Variants in GLI2 observed in about 807,000 individuals in gnomAD.
GLI2 encodes transcription activator GLI2.
Under a neutral mutation model 78.9 loss-of-function variants are expected in GLI2, and 22 were observed. That is an observed-to-expected ratio of 0.28 (90% CI 0.20 to 0.40). The LOEUF is 0.40. Ranked by LOEUF, GLI2 falls within the 10% of genes least tolerant of loss-of-function variation. GLI2 has a pLI of 1.00. For synonymous variants in GLI2, 974 were observed against 963.7 expected (o/e 1.01, Z -0.20); for missense variants, 2,097 against 2,213.2 (o/e 0.95, Z 1.05).
chr2:120,988,702 G>T lies in GLI2; in HGVS notation c.2737G>T (p.Gly913Cys). The T allele has an allele frequency of 8.0e-7, 1 of 1,243,580 alleles. No individual in the cohort carries two copies. The highest frequency in any genetic ancestry group is 1.0e-6 in the Non-Finnish European group (1 of 987,640). The allele number at this position is 1,243,580 out of a possible 1,614,324, so 77.0% of individuals were successfully genotyped here. ...CGCGCCCGAGCGCACGCTGCCCGCC[G>T]GCTGCCCACGCCCACTGGGGCCGCG... ...LDAPERTLPA[G>C]CPRPLGPRRG... is the part of the protein sequence containing the mutation. The change falls in exon 14 of 14, where the codon GGC (glycine) becomes TGC (cysteine). Residue 913 changes from glycine to cysteine, a missense_variant. By Grantham distance (159) the Gly-to-Cys change is radical. Coordinates refer to ENST00000361492, the MANE Select transcript of GLI2 (RefSeq NM_001374353.1).
chr2:120,959,651 G>T (rs1022102862), intron 5 of GLI2, among the ~76,000 whole-genome samples: 1 of 152,080 alleles, frequency 6.6e-6, no homozygotes, highest in East Asian at 1.9e-4. Flanking sequence ...CAGGCGGCTC[G>T]GGCTGGACCT....
intron 10 of GLI2, among the ~76,000 whole-genome samples, chr2:120,979,995 A>G (rs1682642913): frequency 6.6e-6 from 1 of 152,252 alleles, no homozygotes; most frequent in Admixed American, 6.5e-5. Context: ...TTGTGGCTGC[A>G]TAATACTCCA....
intron 3 of GLI2, among the ~76,000 whole-genome samples, chr2:120,947,676 C>A (rs1032597745): frequency 5.1e-4 from 77 of 152,172 alleles, no homozygotes; most frequent in African/African-American, 1.8e-3. Context: ...TACCAGGTGC[C>A]CGGCCCTGGT....
intron 2 of GLI2, among the ~76,000 whole-genome samples, chr2:120,807,583 CT>C (rs1168600878): frequency 1.3e-5 from 2 of 152,210 alleles, no homozygotes; most frequent in Non-Finnish European, 2.9e-5. Flanking sequence ...GAACCACACT[CT>C]AGCCTGAGAA....
chr2:120,988,617 G>A lies in GLI2; in HGVS notation c.2652G>A (p.Pro884=), dbSNP rs926908365. 9.6e-6 allele frequency: 14 copies of A among 1,463,098 alleles called. No homozygotes were observed. Among genetic ancestry groups the A allele is most frequent in the Admixed American group, 2.4e-5 (1 of 41,700 alleles). 90.6% of individuals were successfully genotyped at this position (1,463,098 alleles called of 1,614,324 possible). A position where few individuals can be genotyped will look rare whatever the true frequency, so the allele number is the denominator to read the frequency against. The part of the protein sequence containing the change: ...AKYAAATGGP[P]PTPLPGLERM... ...ACGCGGCAGCCACTGGCGGCCCCCC[G>A]CCCACTCCGCTGCCGGGCCTGGAGC... is the stretch of plus-strand genomic sequence containing the variant. Residue 884 remains proline, a synonymous_variant, in exon 14 of 14, where the codon CCG becomes CCA. Coordinates refer to ENST00000361492, the MANE Select transcript of GLI2 (RefSeq NM_001374353.1).
At chr2:120,977,816 C>T (rs1473570070) in intron 9 of GLI2, among the ~76,000 whole-genome samples, 1 of 152,204 alleles carries the variant, frequency 6.6e-6, no homozygotes, top group African/African-American at 2.4e-5. Context: ...ACTGCCAGGG[C>T]CCTGTGCAGG....
At chr2:120,805,659 C>T (rs368125752) in intron 2 of GLI2, among the ~76,000 whole-genome samples, 4 of 152,268 alleles carry the variant, frequency 2.6e-5, no homozygotes, top group East Asian at 1.9e-4. Flanking sequence ...AAACCAATTC[C>T]GCAGGAACAT....
chr2:120,934,686 C>T (rs1162194961), intron 3 of GLI2, among the ~76,000 whole-genome samples: 11 of 152,112 alleles, frequency 7.2e-5, no homozygotes, highest in Admixed American at 7.2e-4. Context: ...TGCATATTAC[C>T]CAGGGCCTCC....
intron 2 of GLI2, among the ~76,000 whole-genome samples, chr2:120,831,587 A>G (rs1686362797): frequency 6.6e-6 from 1 of 152,148 alleles, no homozygotes; most frequent in Non-Finnish European, 1.5e-5. Context: ...AAAATAGTAG[A>G]TTCCGTTTTG....
intron 9 of GLI2, among the ~76,000 whole-genome samples, chr2:120,976,309 C>T (rs1221864364): frequency 6.6e-6 from 1 of 152,200 alleles, no homozygotes; most frequent in African/African-American, 2.4e-5. Context: ...CTGCTTCTTC[C>T]ACTTATGCAA....
intron 2 of GLI2, among the ~76,000 whole-genome samples, chr2:120,806,782 G>A (rs867699190): frequency 1.3e-5 from 2 of 152,202 alleles, no homozygotes; most frequent in South Asian, 4.1e-4. Flanking sequence ...GGGGTAAGGA[G>A]GGAAAGCGCC....
intron 2 of GLI2, among the ~76,000 whole-genome samples, chr2:120,823,255 GC>G (rs1685872514): frequency 6.6e-6 from 1 of 152,146 alleles, no homozygotes; most frequent in African/African-American, 2.4e-5. Context: ...GTGGGAAGCT[GC>G]CCCCGGTGTG....
intron 1 of GLI2, among the ~76,000 whole-genome samples, chr2:120,770,941 T>G (rs1025914395): frequency 1.1e-4 from 17 of 152,200 alleles, no homozygotes; most frequent in Non-Finnish European, 2.2e-4. Flanking sequence ...GAGTTAACTC[T>G]TTGAGCTCAG....
intron 2 of GLI2, among the ~76,000 whole-genome samples, chr2:120,881,737 G>T (rs1241617232): frequency 1.1e-5 from 1 of 89,538 alleles, no homozygotes; most frequent in African/African-American, 4.5e-5. Context: ...AGGACAGTGC[G>T]GGGGAGAACA....
At chr2:120,899,586 A>T (rs947782438) in intron 2 of GLI2, among the ~76,000 whole-genome samples, 2 of 152,118 alleles carry the variant, frequency 1.3e-5, no homozygotes, top group Admixed American at 1.3e-4. Flanking sequence ...TGTGTGATGC[A>T]ACTTGCAGTG....
chr2:120,791,448 C>G (rs1239898074), intron 1 of GLI2, among the ~76,000 whole-genome samples: 1 of 152,230 alleles, frequency 6.6e-6, no homozygotes. Context: ...CTCAGGGCCT[C>G]AGGCCGTGAG....
At chr2:120,953,242 C>T (rs559120362) in intron 4 of GLI2, among the ~76,000 whole-genome samples, 19 of 152,270 alleles carry the variant, frequency 1.2e-4, no homozygotes, top group Admixed American at 5.9e-4. Flanking sequence ...CATTCATGCC[C>T]GCCCAGAGAC....
At chr2:120,883,801 G>A (rs191858193) in intron 2 of GLI2, among the ~76,000 whole-genome samples, 36 of 152,282 alleles carry the variant, frequency 2.4e-4, no homozygotes, top group Admixed American at 9.2e-4. Context: ...GGTAGCCTCT[G>A]GCCCCTGGTG....
chr2:120,944,526 G>A (rs1680612706), intron 3 of GLI2, among the ~76,000 whole-genome samples: 1 of 152,210 alleles, frequency 6.6e-6, no homozygotes, highest in East Asian at 1.9e-4. Context: ...CCCTCAGTCT[G>A]CACTGCCCCA....
Sources: gnomAD v4.1 joint callset for allele counts (sites outside exome capture counted in the v4.1 genomes callset) on GRCh38, gnomAD v4.1.1 for gene constraint, MANE v1.5 for transcripts, NCBI Gene and HGNC (gene_info 2026-07-23, HGNC 2026-07-21) for gene names.